The following UNC5D variants were observed in gnomAD, a reference collection of about 807,000 sequenced individuals.
UNC5D encodes the protein netrin receptor UNC5D.
A neutral mutation model predicts 105.4 loss-of-function variants in UNC5D; 39 were observed. That is an observed-to-expected ratio of 0.37 (90% CI 0.29 to 0.48). UNC5D has a LOEUF of 0.48. Among genes scored for constraint, UNC5D ranks in the 20% least tolerant of loss-of-function variants. The probability of loss-of-function intolerance (pLI) is 0.98; values close to 1 mark genes in which losing one functional copy is unlikely to be tolerated. For missense variants in UNC5D, 991 were observed against 1,202.4 expected (o/e 0.82, Z 2.60); for synonymous variants, 452 against 450.4 (o/e 1.00, Z -0.04).
chr8:35,390,201 G>C (rs1466088699), intron 1 of UNC5D, among the ~76,000 whole-genome samples: 1 of 152,078 alleles, frequency 6.6e-6, no homozygotes, highest in African/African-American at 2.4e-5. Context: ...CTATCAGGAG[G>C]ACAATACCAA....
At chr8:35,315,137 TC>T (rs1180263190) in intron 1 of UNC5D, among the ~76,000 whole-genome samples, 5 of 152,170 alleles carry the variant, frequency 3.3e-5, no homozygotes, top group Admixed American at 2.6e-4. Flanking sequence ...CAGCTTATAT[TC>T]ATATATATGC....
intron 1 of UNC5D, among the ~76,000 whole-genome samples, chr8:35,333,162 C>T (rs568562142): frequency 2.2e-4 from 34 of 152,048 alleles, no homozygotes; most frequent in Non-Finnish European, 4.1e-4. Context: ...AGCAAGACCC[C>T]ATCTCTACAA....
At chr8:35,388,328 C>T (rs1803563315) in intron 1 of UNC5D, among the ~76,000 whole-genome samples, 1 of 151,924 alleles carries the variant, frequency 6.6e-6, no homozygotes, top group African/African-American at 2.4e-5. Flanking sequence ...CGCACTGTTG[C>T]AACTCCAGCC....
At chr8:35,613,254 T>C (rs1820808800) in intron 4 of UNC5D, among the ~76,000 whole-genome samples, 1 of 152,186 alleles carries the variant, frequency 6.6e-6, no homozygotes, top group Admixed American at 6.5e-5. Flanking sequence ...TTTATACTTT[T>C]TGTAGAGGTG....
intron 3 of UNC5D, among the ~76,000 whole-genome samples, chr8:35,576,475 A>G (rs1328403412): frequency 6.6e-6 from 1 of 152,196 alleles, no homozygotes; most frequent in Non-Finnish European, 1.5e-5. Flanking sequence ...CATTGATGAG[A>G]CAGTGTTTCT....
At chr8:35,260,429 C>A (rs768232471) in intron 1 of UNC5D, among the ~76,000 whole-genome samples, 28 of 152,148 alleles carry the variant, frequency 1.8e-4, no homozygotes, top group Non-Finnish European at 1.2e-4. Flanking sequence ...GTACACACGA[C>A]CAAAGTGTTA....
At chr8:35,404,065 G>A (rs1804647840) in intron 1 of UNC5D, among the ~76,000 whole-genome samples, 1 of 152,144 alleles carries the variant, frequency 6.6e-6, no homozygotes, top group Admixed American at 6.6e-5. Flanking sequence ...TTCTCTAGCA[G>A]CTACTCCCTA....
intron 1 of UNC5D, among the ~76,000 whole-genome samples, chr8:35,452,992 G>T (rs1167987403): frequency 6.6e-6 from 1 of 152,092 alleles, no homozygotes; most frequent in East Asian, 1.9e-4. Flanking sequence ...AAAAAAAGTT[G>T]TTTAGTGTGT....
chr8:35,756,151 T>C (rs917785734), intron 13 of UNC5D, among the ~76,000 whole-genome samples: 1 of 152,338 alleles, frequency 6.6e-6, no homozygotes, highest in South Asian at 2.1e-4. Flanking sequence ...ATTACCAGGC[T>C]TTTTCATTTT....
chr8:35,491,793 T>G (rs961635082), intron 1 of UNC5D, among the ~76,000 whole-genome samples: 1 of 152,186 alleles, frequency 6.6e-6, no homozygotes, highest in Non-Finnish European at 1.5e-5. Flanking sequence ...TTAAACTGCA[T>G]TTTCTTATTT....
chr8:35,480,369 G>A (rs1220254029), intron 1 of UNC5D, among the ~76,000 whole-genome samples: 1 of 152,060 alleles, frequency 6.6e-6, no homozygotes, highest in Non-Finnish European at 1.5e-5. Context: ...CTTGAAGGAA[G>A]GCTTTGTTTT....
intron 11 of UNC5D, among the ~76,000 whole-genome samples, chr8:35,738,000 G>T (rs1158344240): frequency 6.6e-6 from 1 of 152,128 alleles, no homozygotes; most frequent in African/African-American, 2.4e-5. Context: ...CAGCTACTAG[G>T]GAGGCTGAGG....
chr8:35,582,773 A>G (rs1818542052), intron 3 of UNC5D, among the ~76,000 whole-genome samples: 1 of 152,102 alleles, frequency 6.6e-6, no homozygotes, highest in Admixed American at 6.6e-5. Context: ...AATTACAATG[A>G]GGTGGTGAGT....
intron 1 of UNC5D, among the ~76,000 whole-genome samples, chr8:35,442,904 TCACACACACA>T (rs373759766): frequency 1.3e-4 from 19 of 141,356 alleles, no homozygotes; most frequent in Middle Eastern, 7.3e-3. Context: ...TCTCTCTCTC[TCACACACACA>T]CACACACACA....
intron 12 of UNC5D, among the ~76,000 whole-genome samples, 183 bp from the exon 13 acceptor site, chr8:35,750,399 G>C (rs1586584465): frequency 6.6e-6 from 1 of 151,034 alleles, no homozygotes; most frequent in African/African-American, 2.4e-5. Context: ...CCCATTTCTT[G>C]AGTTCTTGAT....
intron 11 of UNC5D, among the ~76,000 whole-genome samples, chr8:35,737,299 TG>T (rs1563720995): frequency 0.038 from 5,451 of 143,468 alleles, 288 homozygotes; most frequent in African/African-American, 0.1. Flanking sequence ...TGTGTGTGTG[TG>T]TTAATGTGTG....
At chr8:35,446,199 T>G (rs1170006947) in intron 1 of UNC5D, among the ~76,000 whole-genome samples, 1 of 151,910 alleles carries the variant, frequency 6.6e-6, no homozygotes, top group East Asian at 1.9e-4. Flanking sequence ...CATTGACAAT[T>G]TAAAAATATT....
chr8:35,490,294 G>A (rs1048171904), intron 1 of UNC5D, among the ~76,000 whole-genome samples: 3 of 152,120 alleles, frequency 2.0e-5, no homozygotes, highest in Admixed American at 6.5e-5. Context: ...CTTGAGGCCA[G>A]GAATTCGAGA....
chr8:35,435,808 A>G lies in UNC5D; in HGVS notation c.104-113484A>G, dbSNP rs1419967392. 3.3e-5 allele frequency among the ~76,000 whole-genome samples: 5 copies of G among 152,170 alleles called. No homozygotes were observed. The East Asian group carries it at 7.7e-4, about 24-fold the overall frequency. ...ATAAATAGTGTTCAAAGTTTCCTCT[A>G]AAGGTAGCTGTCAAAGGCAGTCAAC... On this transcript the variant is annotated intron_variant, in intron 1 of 16. Transcript: ENST00000404895.
Sources: gnomAD v4.1 joint callset for allele counts (sites outside exome capture counted in the v4.1 genomes callset) on GRCh38, gnomAD v4.1.1 for gene constraint, MANE v1.5 for transcripts, NCBI Gene and HGNC (gene_info 2026-07-23, HGNC 2026-07-21) for gene names.